The following CAMSAP2 variants were observed in gnomAD, a reference collection of about 807,000 sequenced individuals.
CAMSAP2 encodes the protein calmodulin regulated spectrin associated protein family member 2, also known as calmodulin-regulated spectrin-associated protein 2.
CAMSAP2 carries 26 observed loss-of-function variants against 146.1 expected under a neutral mutation model. The observed-to-expected ratio is 0.18, with a 90% confidence interval of 0.13 to 0.25. The LOEUF (loss-of-function observed/expected upper bound fraction) is 0.25. Among genes scored for constraint, CAMSAP2 ranks in the 10% least tolerant of loss-of-function variants. The pLI is 1.00. For synonymous variants in CAMSAP2, 499 were observed against 596.6 expected (o/e 0.84, Z 2.38); for missense variants, 1,381 against 1,759.3 (o/e 0.78, Z 3.85).
In CAMSAP2 at chr1:200,853,852, A is replaced by G. The variant is rs1012992016; in HGVS notation, c.3823+357A>G. Among the ~76,000 whole-genome samples, 3 of 152,234 alleles carry G rather than the reference A, an allele frequency of 2.0e-5. No individual in the cohort carries two copies. The highest frequency in any genetic ancestry group is 2.9e-5 in the Non-Finnish European group (2 of 68,038). ...AATGTACAAGAAACATGTTGGTATA[A>G]TAAGGAATGCAAGATCAAGAGTTCA... is the stretch of plus-strand genomic sequence containing the variant. On this transcript the variant is annotated intron_variant, in intron 13 of 16. Transcript: ENST00000358823. The surrounding 1 kb of genome is among the most constrained non-coding windows in gnomAD (Gnocchi z 5.1).
intron 4 of CAMSAP2, among the ~76,000 whole-genome samples, chr1:200,827,379 A>C (rs1405537108): frequency 2.0e-5 from 3 of 152,212 alleles, no homozygotes; most frequent in Admixed American, 1.3e-4. Context: ...TCTAGAAAAC[A>C]AAAAAATCCT....
intron 4 of CAMSAP2, among the ~76,000 whole-genome samples, chr1:200,827,956 A>T (rs1666945857): frequency 1.3e-5 from 2 of 152,170 alleles, no homozygotes; most frequent in South Asian, 4.1e-4. Context: ...TAACATTTAT[A>T]TTCTCTTTGT....
intron 7 of CAMSAP2, among the ~76,000 whole-genome samples, chr1:200,842,672 T>C (rs1481324239): frequency 1.3e-5 from 2 of 152,170 alleles, no homozygotes; most frequent in Non-Finnish European, 2.9e-5. Flanking sequence ...GCTCCCATTA[T>C]AAAACTAGAG....
chr1:200,754,750 T>C (rs1664602473), intron 1 of CAMSAP2, among the ~76,000 whole-genome samples: 2 of 152,154 alleles, frequency 1.3e-5, no homozygotes, highest in South Asian at 2.1e-4. Flanking sequence ...GCCCGGCTAA[T>C]TTTTTGTATG....
Position 200,857,259 on chromosome 1 carries a change from G to T in CAMSAP2, c.4013-47G>T. ...ATCATTTTAAAATAGTAGTATTTCT[G>T]ACTTAGGAATGTTATTTTTATTATT... is the stretch of plus-strand genomic sequence containing the variant. On this transcript the variant is annotated intron_variant, in intron 15 of 16. Transcript: ENST00000358823. The surrounding 1 kb of genome is among the most constrained non-coding windows in gnomAD (Gnocchi z 4.7). 8.1e-7 allele frequency: 1 copy of T among 1,231,494 alleles called. No individual in the cohort carries two copies. Among genetic ancestry groups the T allele is most frequent in the South Asian group, 1.2e-5 (1 of 80,610 alleles). 76.3% of individuals were successfully genotyped at this position (1,231,494 alleles called of 1,614,324 possible).
In CAMSAP2 at chr1:200,853,465, T is replaced by C. The variant is rs1558211901; in HGVS notation, c.3793T>C (p.Ser1265Pro). Residue 1265 changes from serine (S) to proline (P), a missense_variant, in exon 13 of 17, where the codon TCC becomes CCC. Ser to Pro is a moderately conservative substitution (Grantham distance 74, BLOSUM62 -1). This residue lies in a region of CAMSAP2 where 560 missense variants were observed against 715.9 expected (regional missense o/e 0.78). Coordinates refer to ENST00000358823, the MANE Select transcript of CAMSAP2 (RefSeq NM_203459.4). The surrounding 1 kb of genome is among the most constrained non-coding windows in gnomAD (Gnocchi z 5.1). ...PKSIHRDHIE[S>P]PKTPIKGPPV... ...ATCTATTCACAGAGATCATATTGAA[T>C]CCCCCAAAACACCAATAAAGGGTCC... is the stretch of plus-strand genomic sequence containing the variant. 1 of 1,613,528 alleles carries C rather than the reference T, an allele frequency of 6.2e-7. No homozygotes were observed. The highest frequency in any genetic ancestry group is 2.2e-5 in the East Asian group (1 of 44,806).
At chr1:200,763,610 G>A (rs538245753) in intron 2 of CAMSAP2, among the ~76,000 whole-genome samples, 172 of 152,256 alleles carry the variant, frequency 1.1e-3, no homozygotes, top group Admixed American at 2.2e-3. Context: ...CCTTTGCAGT[G>A]TCACATTTAC....
chr1:200,765,212 G>C (rs572150798), intron 2 of CAMSAP2, among the ~76,000 whole-genome samples: 1 of 152,084 alleles, frequency 6.6e-6, no homozygotes, highest in East Asian at 1.9e-4. Context: ...AGTCAAACTT[G>C]CCTTAGTCAT....
chr1:200,814,643 A>C (rs1458154947), intron 3 of CAMSAP2, among the ~76,000 whole-genome samples: 1 of 144,984 alleles, frequency 6.9e-6, no homozygotes, highest in Non-Finnish European at 1.5e-5. Context: ...AACAAGAAGA[A>C]GATATGAATG....
chr1:200,745,888 C>T (rs1664307345), intron 1 of CAMSAP2, among the ~76,000 whole-genome samples: 1 of 152,128 alleles, frequency 6.6e-6, no homozygotes, highest in Non-Finnish European at 1.5e-5. Flanking sequence ...ATTATCTACC[C>T]TTTAAAAAAT....
chr1:200,816,930 A>G lies in CAMSAP2; in HGVS notation c.645+1286A>G, dbSNP rs1330985805. ...CACGCGTGTGTATGTGTGTACACAC[A>G]CACGCGTGTGTATGTGTGTACACAC... On this transcript the variant is annotated intron_variant, in intron 4 of 16. Transcript: ENST00000358823. Among the ~76,000 whole-genome samples the G allele has an allele frequency of 9.7e-5, 8 of 82,336 alleles. 3 individuals carry two copies. In the South Asian group the frequency reaches 1.5e-3, roughly 16 times the overall value. 54.0% of individuals were successfully genotyped at this position (82,336 alleles called of 152,430 possible).
At chr1:200,770,290 C>T (rs1665079788) in intron 2 of CAMSAP2, among the ~76,000 whole-genome samples, 1 of 152,134 alleles carries the variant, frequency 6.6e-6, no homozygotes, top group African/African-American at 2.4e-5. Context: ...AGTTAACTTG[C>T]CCAAAGTCAA....
At position 200,849,304 on chromosome 1, in the gene CAMSAP2, A is replaced by T. The variant is rs762999418; in HGVS notation, c.2535A>T (p.Gln845His). The part of the protein sequence containing the change: ...ADIKESMENP[Q>H]AKWLKSPTTP... ...TAAAAGAGAGCATGGAGAATCCTCA[A>T]GCCAAATGGCTAAAGTCTCCAACTA... Residue 845 changes from glutamine (Q) to histidine (H), a missense_variant, in exon 11 of 17, where the codon CAA becomes CAT. Gln to His is a conservative substitution (Grantham distance 24). Around this residue, in one of 4 missense-constraint regions of CAMSAP2, gnomAD observed 560 missense variants for 715.9 expected, o/e 0.78. Coordinates refer to ENST00000358823, the MANE Select transcript of CAMSAP2 (RefSeq NM_203459.4). This position sits in a 1 kb window ranked among gnomAD's most constrained non-coding sequence, Gnocchi z 6.3. 2 of 1,614,086 alleles carry T rather than the reference A, an allele frequency of 1.2e-6. No homozygotes were observed. Among genetic ancestry groups the T allele is most frequent in the Non-Finnish European group, 1.7e-6 (2 of 1,180,034 alleles).
At chr1:200,783,298 A>G (rs539067775) in intron 2 of CAMSAP2, among the ~76,000 whole-genome samples, 1 of 152,136 alleles carries the variant, frequency 6.6e-6, no homozygotes, top group African/African-American at 2.4e-5. Flanking sequence ...ATAGAATTTA[A>G]TGTTTTTTGT....
chr1:200,816,280 T>TC (rs1369399998), intron 4 of CAMSAP2, among the ~76,000 whole-genome samples: 1 of 129,012 alleles, frequency 7.8e-6, no homozygotes, highest in Non-Finnish European at 1.6e-5. Context: ...AGAGCGAGAC[T>TC]CCATCTCAAA....
chr1:200,843,890 G>T (rs538752746), intron 7 of CAMSAP2, among the ~76,000 whole-genome samples: 45 of 148,680 alleles, frequency 3.0e-4, no homozygotes, highest in African/African-American at 1.0e-3. Context: ...TTTTGTTTTT[G>T]AGATGGAGTC....
In CAMSAP2 at chr1:200,807,554, T is replaced by G; in HGVS notation, c.561+17T>G. 6.6e-7 allele frequency: 1 copy of G among 1,510,494 alleles called. No individual in the cohort carries two copies. Among genetic ancestry groups the G allele is most frequent in the Non-Finnish European group, 8.9e-7 (1 of 1,121,982 alleles). 93.6% of individuals were successfully genotyped at this position (1,510,494 alleles called of 1,614,324 possible). On this transcript the variant is annotated intron_variant, in intron 3 of 16. Coordinates refer to ENST00000358823, the MANE Select transcript of CAMSAP2 (RefSeq NM_203459.4). ...ATAAATAAGGTAGGATTATACTCAC[T>G]TGAGTAAATCGCATCTCATAGCCAG...
chr1:200,817,176 AT>A (rs1558192023), intron 4 of CAMSAP2, among the ~76,000 whole-genome samples: 1,353 of 61,520 alleles, frequency 0.022, 40 homozygotes, highest in African/African-American at 0.11. Flanking sequence ...GTGTGTGTAT[AT>A]ACACACACAC....
chr1:200,790,712 G>A (rs1019190552), intron 2 of CAMSAP2, among the ~76,000 whole-genome samples: 7 of 152,194 alleles, frequency 4.6e-5, no homozygotes, highest in African/African-American at 1.7e-4. Flanking sequence ...CTTGTTGTTA[G>A]AACAGAGTGA....
Sources: gnomAD v4.1 joint callset for allele counts (sites outside exome capture counted in the v4.1 genomes callset) on GRCh38, gnomAD v4.1.1 for gene constraint, gnomAD v4.1.1 regional missense constraint, Gnocchi (gnomAD v3.1) non-coding constraint, MANE v1.5 for transcripts, NCBI Gene and HGNC (gene_info 2026-07-23, HGNC 2026-07-21) for gene names.